The following MYO1F variants were observed in gnomAD, a reference collection of about 807,000 sequenced individuals.
MYO1F encodes unconventional myosin-If.
Under a neutral mutation model 146.6 loss-of-function variants are expected in MYO1F, and 60 were observed. The ratio of observed to expected loss-of-function variants is 0.41; its 90% CI spans 0.33 to 0.51. The LOEUF is 0.51. MYO1F is among the 20% of genes least tolerant of loss of function. The probability of loss-of-function intolerance (pLI) is 0.25; values close to 1 mark genes in which losing one functional copy is unlikely to be tolerated. For missense variants in MYO1F, 1,274 were observed against 1,534.3 expected, an observed-to-expected ratio of 0.83 and a Z score of 2.83; for synonymous variants, 602 against 602.1, an observed-to-expected ratio of 1.00 and a Z score of 0.00.
intron 1 of MYO1F, among the ~76,000 whole-genome samples, chr19:8,560,325 A>G (rs560487822): frequency 2.6e-5 from 4 of 151,758 alleles, no homozygotes; most frequent in South Asian, 4.2e-4. Flanking sequence ...TCTACTAAAA[A>G]TACAAAAAAA....
Position 8,548,606 on chromosome 19 carries a change from CT to C in MYO1F, c.1102-290del, listed in dbSNP as rs373162772. 8.7e-4 allele frequency among the ~76,000 whole-genome samples: 124 copies of C among 141,998 alleles called. 2 individuals carry two copies. In the East Asian group the frequency reaches 0.013, roughly 15 times the overall value. 93.2% of individuals were successfully genotyped at this position (141,998 alleles called of 152,430 possible). A position where few individuals can be genotyped will look rare whatever the true frequency, so the allele number is the denominator to read the frequency against. On this transcript the variant is annotated intron_variant, in intron 10 of 27. Coordinates refer to ENST00000644032, the MANE Select transcript of MYO1F (RefSeq NM_012335.4). ...ACCTCTATTTTCTTTTTTTTTTTTT[CT>C]TTTTTTTTTTTGAGACGGAGTCTCA...
Position 8,522,621 on chromosome 19 carries a change from C to T in MYO1F, c.3050+13G>A. The T allele has an allele frequency of 6.2e-7, 1 of 1,612,342 alleles. No homozygotes were observed. Among genetic ancestry groups the T allele is most frequent in the African/African-American group, 1.3e-5 (1 of 75,008 alleles). On this transcript the variant is annotated intron_variant, in intron 26 of 27. Transcript: ENST00000644032. ...CTGCCCACCTCCTGGAGCTGCCCTCCCACCCCACCTACCCGGCCATGCCCT... is the reference window on the plus strand; with the variant it reads ...CTGCCCACCTCCTGGAGCTGCCCTCTCACCCCACCTACCCGGCCATGCCCT...
Position 8,526,455 on chromosome 19 carries a change from G to C in MYO1F, c.2768C>G (p.Ser923Cys). ...GCCCTAGTTCCGCGCAGACTCACTG[G>C]AGCTCTTGGGCAGCCCATCGCCCAC... is the stretch of plus-strand genomic sequence containing the variant. ...VSVGDGLPKS[S>C]KPTRKGMAKG... Residue 923 changes from serine to cysteine, a missense_variant and splice_region_variant, in exon 24 of 28, where the codon TCC becomes TGC. Coordinates refer to ENST00000644032, the MANE Select transcript of MYO1F (RefSeq NM_012335.4). 6.4e-7 allele frequency: 1 copy of C among 1,555,770 alleles called. No individual in the cohort carries two copies. Among genetic ancestry groups the C allele is most frequent in the Non-Finnish European group, 8.7e-7 (1 of 1,149,632 alleles).
At chr19:8,563,294 CTTT>C in intron 1 of MYO1F, among the ~76,000 whole-genome samples, 1 of 118,628 alleles carries the variant, frequency 8.4e-6, no homozygotes, top group Non-Finnish European at 1.8e-5. Flanking sequence ...TGCTTGGCCA[CTTT>C]TTTTTTTTTT....
At chr19:8,537,963 GTTTTAT>G (rs894414470) in intron 16 of MYO1F, among the ~76,000 whole-genome samples, 17 of 151,574 alleles carry the variant, frequency 1.1e-4, no homozygotes, top group Admixed American at 3.3e-4. Context: ...TTTGCATTTT[GTTTTAT>G]TTTTATTTTT....
At chr19:8,533,278 C>T (rs949792869) in intron 19 of MYO1F, among the ~76,000 whole-genome samples, 1 of 151,924 alleles carries the variant, frequency 6.6e-6, no homozygotes, top group Non-Finnish European at 1.5e-5. Context: ...ATCTACCAGC[C>T]TTGACCTCCC....
chr19:8,523,616 G>A (rs1429810073), intron 25 of MYO1F, among the ~76,000 whole-genome samples: 1 of 152,212 alleles, frequency 6.6e-6, no homozygotes, highest in East Asian at 1.9e-4. Context: ...CTCCCAACAT[G>A]CTGGTTTTAC....
At chr19:8,569,023 A>C (rs550530983) in intron 1 of MYO1F, among the ~76,000 whole-genome samples, 1 of 152,270 alleles carries the variant, frequency 6.6e-6, no homozygotes, top group African/African-American at 2.4e-5. Flanking sequence ...GAGATGCCTC[A>C]GGAAATGTCA....
At chr19:8,523,603 G>A (rs1441534662) in intron 25 of MYO1F, among the ~76,000 whole-genome samples, 1 of 151,940 alleles carries the variant, frequency 6.6e-6, no homozygotes, top group African/African-American at 2.4e-5. Flanking sequence ...CTCCCACTTC[G>A]GCCTCCCAAC....
At chr19:8,544,584 G>C (rs565325231) in intron 13 of MYO1F, 120 bp from the exon 14 acceptor site, 12 of 948,100 alleles carry the variant, frequency 1.3e-5, no homozygotes, top group East Asian at 1.2e-4. Flanking sequence ...TAGAGCTTTG[G>C]GGGTGGGGAG....
chr19:8,532,163 A>AAAG (rs145889532), intron 19 of MYO1F, among the ~76,000 whole-genome samples: 2,647 of 152,158 alleles, frequency 0.017, 33 homozygotes, highest in African/African-American at 0.037. Context: ...CTCAAAAAAA[A>AAAG]AAAGAAAGAA....
intron 1 of MYO1F, among the ~76,000 whole-genome samples, chr19:8,569,664 C>T (rs1243626422): frequency 6.6e-6 from 1 of 152,104 alleles, no homozygotes; most frequent in East Asian, 1.9e-4. Context: ...CTGGAAAGTA[C>T]TGTGGAGAGG....
rs368622600 is a variant in MYO1F, at chr19:8,536,479, G to T, written c.1898+20C>A. 8 of 1,611,748 alleles carry T rather than the reference G, an allele frequency of 5.0e-6. No individual in the cohort carries two copies. Among genetic ancestry groups the T allele is most frequent in the Non-Finnish European group, 5.9e-6 (7 of 1,178,888 alleles). On this transcript the variant is annotated intron_variant, in intron 18 of 27. Coordinates refer to ENST00000644032, the MANE Select transcript of MYO1F (RefSeq NM_012335.4). ...TTCTGATGAAGGGGATGGCGAGGGC[G>T]GGGGTGGAGGGCTCCTCACCTCTGC...
chr19:8,532,901 A>AT (rs1555720422), intron 19 of MYO1F, among the ~76,000 whole-genome samples: 1,912 of 47,662 alleles, frequency 0.04, 14 homozygotes, highest in East Asian at 0.26. Flanking sequence ...AAAAAAAAAA[A>AT]ATACACACAC....
chr19:8,536,683 T>C (rs756136328), intron 17 of MYO1F, 86 bp from the exon 18 acceptor site: 65 of 221,610 alleles, frequency 2.9e-4, no homozygotes, highest in African/African-American at 2.6e-3. Context: ...GTGGGGGACC[T>C]GGGGGGATCT....
At chr19:8,528,264 C>T (rs1972347557) in intron 21 of MYO1F, among the ~76,000 whole-genome samples, 1 of 151,570 alleles carries the variant, frequency 6.6e-6, no homozygotes, top group African/African-American at 2.4e-5. Context: ...CGCGGTGGCA[C>T]ACGCCTGTAA....
In MYO1F at chr19:8,550,702, A is replaced by C; in HGVS notation, c.772-8T>G. On this transcript the variant is annotated splice_region_variant and splice_polypyrimidine_tract_variant and intron_variant, in intron 8 of 27. Coordinates refer to ENST00000644032, the MANE Select transcript of MYO1F (RefSeq NM_012335.4). ...AATAACCTGCATAGCACTCTGTGGTACAACGGGGGCAGAAACTGTGCCGTG... is the reference window on the plus strand; with the variant it reads ...AATAACCTGCATAGCACTCTGTGGTCCAACGGGGGCAGAAACTGTGCCGTG... The C allele has an allele frequency of 1.9e-6, 3 of 1,614,008 alleles. No individual in the cohort carries two copies. Among genetic ancestry groups the C allele is most frequent in the Non-Finnish European group, 2.5e-6 (3 of 1,179,972 alleles).
At chr19:8,574,751 C>CTT (rs2042204510) in intron 1 of MYO1F, among the ~76,000 whole-genome samples, 1 of 126,632 alleles carries the variant, frequency 7.9e-6, no homozygotes, top group South Asian at 2.6e-4. Context: ...TTCTTTCTTT[C>CTT]TCTCTCTCTT....
rs953331775 is a variant in MYO1F at position 8,521,504 on chromosome 19, G to C, written c.*24C>G. 3.1e-6 allele frequency: 5 copies of C among 1,609,804 alleles called. No individual in the cohort carries two copies. Among genetic ancestry groups the C allele is most frequent in the Admixed American group, 3.4e-5 (2 of 59,390 alleles). On this transcript the variant is annotated 3_prime_UTR_variant, in exon 28 of 28. Coordinates refer to ENST00000644032, the MANE Select transcript of MYO1F (RefSeq NM_012335.4). The stretch of plus-strand genomic sequence containing the variant: ...GGCAGGCAGATAGGCGGGCGAAAGA[G>C]AAGGCAGTATCCCAGGGCCCAGCTC...
Sources: allele counts gnomAD v4.1 joint callset (sites outside exome capture counted in the v4.1 genomes callset), GRCh38; gene constraint gnomAD v4.1.1; transcripts MANE v1.5; gene names NCBI Gene and HGNC (gene_info 2026-07-23, HGNC 2026-07-21).